EFHB: variants seen among roughly 807,000 people sequenced by gnomAD.
The protein encoded by EFHB is EF-hand domain family member B.
In EFHB, 91 loss-of-function variants were observed where a neutral mutation model predicts 87.2. That is an observed-to-expected ratio of 1.04 (90% CI 0.88 to 1.24). The LOEUF is 1.24. EFHB is among the 50% of genes most tolerant of loss of function. EFHB has a pLI of 0.00. For synonymous variants in EFHB, 325 were observed against 333.6 expected, an observed-to-expected ratio of 0.97 and a Z score of 0.28; for missense variants, 1,084 against 998.8, an observed-to-expected ratio of 1.09 and a Z score of -1.15.
chr3:19,923,446 C>T (rs1205969498), intron 1 of EFHB, among the ~76,000 whole-genome samples: 1 of 152,162 alleles, frequency 6.6e-6, no homozygotes, highest in African/African-American at 2.4e-5. Context: ...CAACCTCTGC[C>T]TTTCAACCTC....
rs571626526 is a variant in EFHB at position 19,913,688 on chromosome 3, A to T, written c.1288+1615T>A. ...ATGACATCCTTCACACAAATATTTT[A>T]AAAAATCCTAAAGTGTATATGAAAC... is the stretch of plus-strand genomic sequence containing the variant. On this transcript the variant is annotated intron_variant, in intron 5 of 12. Coordinates refer to ENST00000295824, the MANE Select transcript of EFHB (RefSeq NM_144715.4). Among the ~76,000 whole-genome samples the T allele has an allele frequency of 8.7e-4, 133 of 152,328 alleles. 1 individual carries two copies. The highest frequency in any genetic ancestry group is 3.0e-3 in the African/African-American group (124 of 41,578).
At chr3:19,905,233 T>C (rs1405734245) in intron 6 of EFHB, among the ~76,000 whole-genome samples, 2 of 152,120 alleles carry the variant, frequency 1.3e-5, no homozygotes, top group African/African-American at 4.8e-5. Context: ...GCCTGAGCAA[T>C]AGAGCAAGAT....
rs748355747 is a variant in EFHB, at chr3:19,933,514, G to C, written c.505C>G (p.Gln169Glu). 1 of 1,613,910 alleles carries C rather than the reference G, an allele frequency of 6.2e-7. No individual in the cohort carries two copies. Among genetic ancestry groups the C allele is most frequent in the Non-Finnish European group, 8.5e-7 (1 of 1,179,864 alleles). The part of the protein sequence containing the change: ...GKPAFVMEPR[Q>E]EMEKESTCVL... ...CAGGTAGACTCTTTTTCCATTTCCTGTCTTGGTTCCATAACGAAAGCAGGC... is the reference window on the plus strand; with the variant it reads ...CAGGTAGACTCTTTTTCCATTTCCTCTCTTGGTTCCATAACGAAAGCAGGC... Residue 169 changes from glutamine to glutamate, a missense_variant, in exon 1 of 13, where the codon CAG (glutamine) becomes GAG (glutamate). By Grantham distance (29) the Gln-to-Glu change is conservative. Transcript: ENST00000295824.
In EFHB at chr3:19,933,776, C is replaced by A; in HGVS notation, c.243G>T (p.Arg81Ser). 2 of 1,614,026 alleles carry A rather than the reference C, an allele frequency of 1.2e-6. No individual in the cohort carries two copies. The highest frequency in any genetic ancestry group is 8.5e-7 in the Non-Finnish European group (1 of 1,179,888). ...EMGLERQNISRTVMQRGSLGV... is the reference protein window; with the variant it reads ...EMGLERQNISSTVMQRGSLGV... ...CTAAACTACCCCTCTGCATGACAGT[C>A]CTAGAAATATTCTGTCTTTCTAATC... is the stretch of plus-strand genomic sequence containing the variant. Residue 81 changes from arginine to serine, a missense_variant, in exon 1 of 13, where the codon AGG (arginine) becomes AGT (serine). Coordinates refer to ENST00000295824, the MANE Select transcript of EFHB (RefSeq NM_144715.4).
At chr3:19,902,976 A>G (rs1478535987) in intron 6 of EFHB, among the ~76,000 whole-genome samples, 1 of 152,068 alleles carries the variant, frequency 6.6e-6, no homozygotes, top group Non-Finnish European at 1.5e-5. Flanking sequence ...CATGAGTTCA[A>G]GACCAGCCTG....
chr3:19,905,694 A>G lies in EFHB; in HGVS notation c.1344T>C (p.Tyr448=), dbSNP rs1230488932. The change falls in exon 6 of 13, where the codon TAT becomes TAC. Residue 448 remains tyrosine (Y), a synonymous_variant. Coordinates refer to ENST00000295824, the MANE Select transcript of EFHB (RefSeq NM_144715.4). ...CATTAAAATGTGGTGTTGGTACTCC[A>G]TACACACTACACCTATGGAAACTTG... ...NPSSFHRCSV[Y]GVPTPHFNDG... is the part of the protein sequence containing the mutation. 6.2e-7 allele frequency: 1 copy of G among 1,613,852 alleles called. No homozygotes were observed. The highest frequency in any genetic ancestry group is 8.5e-7 in the Non-Finnish European group (1 of 1,179,806).
In EFHB at chr3:19,915,408, A is replaced by C. The variant is rs1291352556; in HGVS notation, c.1183T>G (p.Ser395Ala). The change falls in exon 5 of 13, where the codon TCT becomes GCT. Residue 395 changes from serine to alanine, a missense_variant. Coordinates refer to ENST00000295824, the MANE Select transcript of EFHB (RefSeq NM_144715.4). ...GGTGGATTCACCACATCTTTAGCAG[A>C]GTATTCTGAAGGAAGAATTAATAAA... is the stretch of plus-strand genomic sequence containing the variant. ...TFGTAVIKEY[S>A]AKDVVNPPKS... is the part of the protein sequence containing the mutation. 6.3e-7 allele frequency: 1 copy of C among 1,595,886 alleles called. No homozygotes were observed. Among genetic ancestry groups the C allele is most frequent in the Admixed American group, 1.7e-5 (1 of 58,248 alleles).
rs1349148507 is a variant in EFHB at position 19,920,587 on chromosome 3, G to A, written c.790-20C>T. 6.3e-7 allele frequency: 1 copy of A among 1,581,670 alleles called. No homozygotes were observed. Among genetic ancestry groups the A allele is most frequent in the Non-Finnish European group, 8.6e-7 (1 of 1,164,484 alleles). ...TCCTGCCTTTGGGGGAAAAAAATGG[G>A]TTGATCATTGCCAGGGTGGAAGAGG... On this transcript the variant is annotated intron_variant, in intron 1 of 12. Coordinates refer to ENST00000295824, the MANE Select transcript of EFHB (RefSeq NM_144715.4).
chr3:19,926,193 C>T (rs537656386), intron 1 of EFHB, among the ~76,000 whole-genome samples: 1 of 152,136 alleles, frequency 6.6e-6, no homozygotes, highest in South Asian at 2.1e-4. Context: ...AGCAAGGCAC[C>T]CCTTTGCATG....
chr3:19,914,687 A>C (rs1695167351), intron 5 of EFHB, among the ~76,000 whole-genome samples: 1 of 152,176 alleles, frequency 6.6e-6, no homozygotes, highest in Non-Finnish European at 1.5e-5. Flanking sequence ...TAAATTGCCC[A>C]AATTTTAAAA....
intron 5 of EFHB, 71 bp from the exon 6 acceptor site, chr3:19,905,820 T>G: frequency 6.7e-7 from 1 of 1,501,172 alleles, no homozygotes; most frequent in Non-Finnish European, 9.0e-7. Context: ...ATGCACACTA[T>G]GTTCTCATTG....
At chr3:19,891,249 T>A (rs1270169734) in intron 9 of EFHB, among the ~76,000 whole-genome samples, 1 of 151,826 alleles carries the variant, frequency 6.6e-6, no homozygotes, top group African/African-American at 2.4e-5. Flanking sequence ...AGAGATGGAG[T>A]CTCACTATGT....
chr3:19,904,743 A>C (rs1368870975), intron 6 of EFHB, among the ~76,000 whole-genome samples: 1 of 152,144 alleles, frequency 6.6e-6, no homozygotes, highest in African/African-American at 2.4e-5. Flanking sequence ...ATCTACAAAG[A>C]CCCTTTTTCC....
intron 1 of EFHB, among the ~76,000 whole-genome samples, chr3:19,929,844 A>G (rs1415543740): frequency 6.6e-6 from 1 of 152,212 alleles, no homozygotes; most frequent in Non-Finnish European, 1.5e-5. Context: ...CTCGATAATA[A>G]CAACTACATA....
rs1214944416 is a variant in EFHB, at chr3:19,933,240, C to T, written c.779G>A (p.Cys260Tyr). The T allele has an allele frequency of 3.7e-6, 6 of 1,612,344 alleles. No individual in the cohort carries two copies. The highest frequency in any genetic ancestry group is 5.1e-6 in the Non-Finnish European group (6 of 1,178,692). ...YSGKFFDRTP[C>Y]WPSAGKVIPV... The stretch of plus-strand genomic sequence containing the variant: ...TGGAAAAAAACTTACACTTGGCCAG[C>T]AAGGGGTCCGATCAAAAAACTTCCC... Residue 260 changes from cysteine to tyrosine, a missense_variant, in exon 1 of 13, where the codon TGC becomes TAC. Transcript: ENST00000295824.
chr3:19,897,505 C>A (rs1446663004), intron 8 of EFHB, among the ~76,000 whole-genome samples: 1 of 152,158 alleles, frequency 6.6e-6, no homozygotes, highest in Non-Finnish European at 1.5e-5. Flanking sequence ...TCTTCATTTT[C>A]CCTGGCGTAC....
At chr3:19,880,626 G>A (rs892918346) in intron 12 of EFHB, among the ~76,000 whole-genome samples, 9 of 152,128 alleles carry the variant, frequency 5.9e-5, no homozygotes, top group Non-Finnish European at 1.3e-4. Flanking sequence ...AACTATGTGT[G>A]CAAATGGCAG....
rs1410504094 is a variant in EFHB, at chr3:19,909,109, G to A, written c.1289-3360C>T. ...AGTGCCCATCTCAAAAATCAGGTGG[G>A]CAACTCATAGTACTTGATTTTAACT... On this transcript the variant is annotated intron_variant, in intron 5 of 12. Coordinates refer to ENST00000295824, the MANE Select transcript of EFHB (RefSeq NM_144715.4). 2.0e-5 allele frequency among the ~76,000 whole-genome samples: 3 copies of A among 147,196 alleles called. No homozygotes were observed. The South Asian group carries it at 6.4e-4, about 32-fold the overall frequency.
At chr3:19,914,092 C>T (rs562748561) in intron 5 of EFHB, among the ~76,000 whole-genome samples, 1 of 152,140 alleles carries the variant, frequency 6.6e-6, no homozygotes, top group African/African-American at 2.4e-5. Flanking sequence ...TACAGACACG[C>T]ACCACCATGC....
Sources: gnomAD v4.1 joint callset for allele counts (sites outside exome capture counted in the v4.1 genomes callset) on GRCh38, gnomAD v4.1.1 for gene constraint, MANE v1.5 for transcripts, NCBI Gene and HGNC (gene_info 2026-07-23, HGNC 2026-07-21) for gene names.